The following SAMD5 variants were observed in gnomAD, a reference collection of about 807,000 sequenced individuals.
The protein encoded by SAMD5 is sterile alpha motif domain containing 5.
In SAMD5, 13 loss-of-function variants were observed where a neutral mutation model predicts 11.3. That is an observed-to-expected ratio of 1.15 (90% CI 0.75 to 1.83). The LOEUF is 1.83. SAMD5 is among the 40% of genes most tolerant of loss of function. SAMD5 has a pLI of 0.00. For missense variants in SAMD5, 255 were observed against 239.1 expected, an observed-to-expected ratio of 1.07 and a Z score of -0.44; for synonymous variants, 129 against 111.3, an observed-to-expected ratio of 1.16 and a Z score of -1.00.
At chr6:147,676,742 G>A (rs1269180064) in intron 1 of SAMD5, among the ~76,000 whole-genome samples, 3 of 142,592 alleles carry the variant, frequency 2.1e-5, no homozygotes, top group Non-Finnish European at 4.5e-5. Flanking sequence ...TTGAAGAAGC[G>A]ATAGAAATAT....
At chr6:147,792,468 C>T in the SAMD5 span, among the ~76,000 whole-genome samples, 52 of 152,168 alleles carry the variant, frequency 3.4e-4, no homozygotes, top group East Asian at 5.2e-3. Context: ...CTAATATAGA[C>T]GCATATGGAT....
Position 147,643,620 on chromosome 6 carries a change from G to A in SAMD5, c.163-93697G>A, listed in dbSNP as rs374729975. On this transcript the variant is annotated intron_variant, in intron 1 of 1. Coordinates refer to the SAMD5 transcript ENST00000566741. ...CCAATCAGAAGTTATTTTAAGTTGC[G>A]GTTTTCTGCTCCAGTAAAGTGTATA... 1.2e-4 allele frequency among the ~76,000 whole-genome samples: 19 copies of A among 152,092 alleles called. 1 individual carries two copies. The highest frequency in any genetic ancestry group is 2.2e-4 in the African/African-American group (9 of 41,514).
intron 1 of SAMD5, among the ~76,000 whole-genome samples, chr6:147,516,531 C>G (rs919434586): frequency 2.2e-4 from 33 of 152,184 alleles, no homozygotes; most frequent in African/African-American, 7.2e-4. Context: ...ATCGACGTCT[C>G]TATGTATCCT....
chr6:147,781,808 A>G, the SAMD5 span, among the ~76,000 whole-genome samples: 41 of 144,508 alleles, frequency 2.8e-4, no homozygotes, highest in African/African-American at 1.1e-3. Context: ...ACACACACAC[A>G]CACAGCTTGG....
the SAMD5 span, chr6:147,953,340 C>G: frequency 6.6e-6 from 1 of 151,428 alleles, no homozygotes; most frequent in South Asian, 2.1e-4. Context: ...CCATTCGACT[C>G]TCAGAAATTC....
At chr6:147,562,690 C>T (rs559057572) in intron 1 of SAMD5, among the ~76,000 whole-genome samples, 83 of 152,128 alleles carry the variant, frequency 5.5e-4, no homozygotes, top group African/African-American at 1.5e-3. Context: ...GGCTTGGTGG[C>T]GGGCGCCTGT....
At chr6:147,750,017 C>T in the SAMD5 span, among the ~76,000 whole-genome samples, 1 of 152,094 alleles carries the variant, frequency 6.6e-6, no homozygotes, top group Non-Finnish European at 1.5e-5. Context: ...TATCACACCC[C>T]TCATGAGCCA....
At chr6:147,659,724 C>A (rs1790620701) in intron 1 of SAMD5, among the ~76,000 whole-genome samples, 1 of 152,148 alleles carries the variant, frequency 6.6e-6, no homozygotes. Flanking sequence ...CAAATAATTT[C>A]TTGGAAATAT....
the SAMD5 span, among the ~76,000 whole-genome samples, chr6:147,816,150 C>T: frequency 1.2e-3 from 178 of 150,364 alleles, 1 homozygote; most frequent in African/African-American, 4.2e-3. Context: ...TGTGGTGGCG[C>T]GCGCCTGTAA....
chr6:147,738,966 A>C (rs1364143501), downstream of SAMD5, among the ~76,000 whole-genome samples: 1 of 152,210 alleles, frequency 6.6e-6, no homozygotes, highest in African/African-American at 2.4e-5. Flanking sequence ...TGCCAGTTTA[A>C]GAGAATTACA....
the SAMD5 span, among the ~76,000 whole-genome samples, chr6:147,794,582 A>C: frequency 6.6e-6 from 1 of 152,196 alleles, no homozygotes; most frequent in Non-Finnish European, 1.5e-5. Flanking sequence ...CTTTGAGACT[A>C]TGTAAATATA....
At chr6:147,804,019 C>T in the SAMD5 span, among the ~76,000 whole-genome samples, 1 of 152,144 alleles carries the variant, frequency 6.6e-6, no homozygotes, top group Non-Finnish European at 1.5e-5. Context: ...TTTTTTCACA[C>T]TTCTCCAGGT....
At chr6:147,952,004 G>A in the SAMD5 span, among the ~76,000 whole-genome samples, 1 of 152,170 alleles carries the variant, frequency 6.6e-6, no homozygotes, top group African/African-American at 2.4e-5. Flanking sequence ...GAGAACTGCT[G>A]CTAGTGTAAT....
At chr6:147,866,825 GA>G in the SAMD5 span, among the ~76,000 whole-genome samples, 1 of 152,106 alleles carries the variant, frequency 6.6e-6, no homozygotes, top group East Asian at 1.9e-4. Context: ...CACAAAAAAA[GA>G]AAGAGAGAAG....
chr6:147,927,145 G>T, the SAMD5 span, among the ~76,000 whole-genome samples: 1 of 151,974 alleles, frequency 6.6e-6, no homozygotes, highest in Non-Finnish European at 1.5e-5. Flanking sequence ...TTGGTTATTC[G>T]GGCTTTTTTT....
chr6:147,600,290 C>T (rs1195422158), intron 1 of SAMD5, among the ~76,000 whole-genome samples: 1 of 152,196 alleles, frequency 6.6e-6, no homozygotes, highest in Non-Finnish European at 1.5e-5. Flanking sequence ...TCTCTGCTGT[C>T]ACTCCAGCCC....
chr6:147,600,461 A>G (rs1310127077), intron 1 of SAMD5, among the ~76,000 whole-genome samples: 1 of 152,190 alleles, frequency 6.6e-6, no homozygotes, highest in Non-Finnish European at 1.5e-5. Context: ...AACACTGAGC[A>G]ATGACCAGCC....
the SAMD5 span, among the ~76,000 whole-genome samples, chr6:147,827,644 C>G: frequency 6.6e-6 from 1 of 152,194 alleles, no homozygotes; most frequent in African/African-American, 2.4e-5. Context: ...GTTCTTGTCT[C>G]TGGAACAGCT....
intron 1 of SAMD5, among the ~76,000 whole-genome samples, chr6:147,666,719 T>A (rs532971276): frequency 2.0e-4 from 31 of 152,304 alleles, no homozygotes; most frequent in Non-Finnish European, 4.1e-4. Flanking sequence ...TACAGGGATA[T>A]ACAGGGAAGT....
Sources: allele counts gnomAD v4.1 joint callset (sites outside exome capture counted in the v4.1 genomes callset), GRCh38; gene constraint gnomAD v4.1.1; transcripts MANE v1.5; gene names NCBI Gene and HGNC (gene_info 2026-07-23, HGNC 2026-07-21).